The following CLIC6 variants were observed in gnomAD, a reference collection of about 807,000 sequenced individuals.
The protein encoded by CLIC6 is CLIC family member 6.
CLIC6 carries 39 observed loss-of-function variants against 49.2 expected under a neutral mutation model. The observed-to-expected ratio is 0.79, with a 90% CI of 0.61 to 1.04. CLIC6 has a LOEUF of 1.04. Ranked by LOEUF, CLIC6 falls within the 50% of genes least tolerant of loss-of-function variation. CLIC6 has a pLI of 0.00. For synonymous variants in CLIC6, 446 were observed against 433.4 expected (o/e 1.03, Z -0.36); for missense variants, 988 against 993.1 (o/e 0.99, Z 0.07).
intron 5 of CLIC6, among the ~76,000 whole-genome samples, chr21:34,714,893 G>T (rs1307713287): frequency 6.6e-6 from 1 of 152,132 alleles, no homozygotes; most frequent in Non-Finnish European, 1.5e-5. Flanking sequence ...ATGTACTCAG[G>T]AATGTTAAAA....
intron 1 of CLIC6, among the ~76,000 whole-genome samples, chr21:34,695,466 C>G (rs73196808): frequency 0.17 from 25,981 of 152,244 alleles, 2,440 homozygotes; most frequent in African/African-American, 0.25. Flanking sequence ...ACATGGACAT[C>G]TTTGAGAGGT....
chr21:34,669,611 G>A lies in CLIC6; in HGVS notation c.223G>A (p.Gly75Ser), dbSNP rs1989486676. The A allele has an allele frequency of 7.8e-7, 1 of 1,278,226 alleles. No homozygotes were observed. Among genetic ancestry groups the A allele is most frequent in the Non-Finnish European group, 9.8e-7 (1 of 1,015,638 alleles). 79.2% of individuals were successfully genotyped at this position (1,278,226 alleles called of 1,614,324 possible). A position where few individuals can be genotyped will look rare whatever the true frequency, so the allele number is the denominator to read the frequency against. The change falls in exon 1 of 6, where the codon GGC becomes AGC. Residue 75 changes from glycine (G) to serine (S), a missense_variant. By Grantham distance (56) the Gly-to-Ser change is moderately conservative. Transcript: ENST00000349499. Reference protein sequence around the residue: ...PDRGPEAEARGTRGAHGETEA... With the variant: ...PDRGPEAEARSTRGAHGETEA... Reference sequence around the variant, plus strand: ...CAGGGGCCCGGAGGCCGAGGCGCGGGGCACGAGGGGGGCGCACGGCGAGAC... The same window carrying A: ...CAGGGGCCCGGAGGCCGAGGCGCGGAGCACGAGGGGGGCGCACGGCGAGAC...
At chr21:34,703,697 G>A (rs1308822245) in intron 1 of CLIC6, among the ~76,000 whole-genome samples, 4 of 152,248 alleles carry the variant, frequency 2.6e-5, no homozygotes, top group East Asian at 3.9e-4. Flanking sequence ...TGGTGACCTC[G>A]TGGTGCCATT....
In CLIC6 at chr21:34,687,666, T is replaced by A. The variant is rs530747639; in HGVS notation, c.1374+16904T>A. Among the ~76,000 whole-genome samples the A allele has an allele frequency of 3.3e-5, 5 of 152,348 alleles. No homozygotes were observed. In the East Asian group the frequency reaches 7.7e-4, roughly 23 times the overall value. On this transcript the variant is annotated intron_variant, in intron 1 of 5. Transcript: ENST00000349499. ...ATTAATCAATGTGAGTCGAGGGTAG[T>A]CACCCACTTAATCCATTGAATAATA...
chr21:34,686,031 A>G (rs1021309178), intron 1 of CLIC6, among the ~76,000 whole-genome samples: 1 of 152,218 alleles, frequency 6.6e-6, no homozygotes, highest in African/African-American at 2.4e-5. Flanking sequence ...AAAATTTGCA[A>G]CCTCAGGCAT....
At chr21:34,699,316 A>C (rs1026175861) in intron 1 of CLIC6, among the ~76,000 whole-genome samples, 1 of 152,022 alleles carries the variant, frequency 6.6e-6, no homozygotes, top group African/African-American at 2.4e-5. Flanking sequence ...CAGTGGGGAA[A>C]TCTCAGCTCA....
chr21:34,669,835 A>C lies in CLIC6; in HGVS notation c.447A>C (p.Glu149Asp). ...CGGAGCAGAGGCCTGAGGTCCCGGAAGGTAGCGCGTCCGGGGAGGCGGGGG... is the reference window on the plus strand; with the variant it reads ...CGGAGCAGAGGCCTGAGGTCCCGGACGGTAGCGCGTCCGGGGAGGCGGGGG... ...EEAEQRPEVP[E>D]GSASGEAGDS... The change falls in exon 1 of 6, where the codon GAA becomes GAC. Residue 149 changes from glutamate (E) to aspartate (D), a missense_variant. Glu to Asp is a conservative substitution (Grantham distance 45). Transcript: ENST00000349499. 7.1e-7 allele frequency: 1 copy of C among 1,412,116 alleles called. No individual in the cohort carries two copies. Among genetic ancestry groups the C allele is most frequent in the Non-Finnish European group, 9.2e-7 (1 of 1,091,826 alleles). 87.5% of individuals were successfully genotyped at this position (1,412,116 alleles called of 1,614,324 possible).
chr21:34,682,495 T>A (rs1008330999), intron 1 of CLIC6, among the ~76,000 whole-genome samples: 1 of 152,182 alleles, frequency 6.6e-6, no homozygotes, highest in Non-Finnish European at 1.5e-5. Flanking sequence ...ATTCTCTGCA[T>A]TTTTCTTATG....
intron 1 of CLIC6, among the ~76,000 whole-genome samples, chr21:34,691,001 C>T (rs7280588): frequency 0.013 from 2,042 of 152,120 alleles, 45 homozygotes; most frequent in African/African-American, 0.046. Context: ...GCCTTCCTCT[C>T]GTGTGGGTCA....
chr21:34,705,918 G>C lies in CLIC6; in HGVS notation c.1375-1362G>C, dbSNP rs75734491. On this transcript the variant is annotated intron_variant, in intron 1 of 5. Coordinates refer to ENST00000349499, the MANE Select transcript of CLIC6 (RefSeq NM_053277.3). ...CCACTGGCATTGTATCACTTTGGAG[G>C]AACATGTTAAAAATTCACATTCCTA... 1,507 of 507,442 alleles carry C rather than the reference G, an allele frequency of 3.0e-3. 26 individuals carry two copies. Among genetic ancestry groups the C allele is most frequent in the African/African-American group, 0.026 (1,370 of 51,756 alleles). The allele number at this position is 507,442 out of a possible 1,614,324, so 31.4% of individuals were successfully genotyped here.
chr21:34,691,883 T>C (rs1341974556), intron 1 of CLIC6, among the ~76,000 whole-genome samples: 1 of 152,236 alleles, frequency 6.6e-6, no homozygotes. Context: ...AGCAAAACTT[T>C]TCAATGAACG....
At chr21:34,677,062 C>G (rs1043561567) in intron 1 of CLIC6, among the ~76,000 whole-genome samples, 1 of 152,166 alleles carries the variant, frequency 6.6e-6, no homozygotes, top group Non-Finnish European at 1.5e-5. Flanking sequence ...CTCCTCCCCA[C>G]AGGGAGACGG....
At chr21:34,677,054 C>T (rs1989686386) in intron 1 of CLIC6, among the ~76,000 whole-genome samples, 1 of 152,124 alleles carries the variant, frequency 6.6e-6, no homozygotes, top group Non-Finnish European at 1.5e-5. Context: ...GCCCTTTTCT[C>T]CTCCCCACAG....
intron 1 of CLIC6, among the ~76,000 whole-genome samples, chr21:34,702,446 T>C (rs959730520): frequency 2.6e-5 from 4 of 152,154 alleles, no homozygotes; most frequent in African/African-American, 9.7e-5. Flanking sequence ...ATATGCCAGA[T>C]GCTGACAGTA....
At chr21:34,690,014 C>T (rs1034146193) in intron 1 of CLIC6, among the ~76,000 whole-genome samples, 1 of 152,188 alleles carries the variant, frequency 6.6e-6, no homozygotes, top group Admixed American at 6.5e-5. Context: ...CTCCTTTATT[C>T]TTGGAAAAGA....
chr21:34,670,148 G>T lies in CLIC6; in HGVS notation c.760G>T (p.Asp254Tyr). 1.4e-6 allele frequency: 2 copies of T among 1,390,488 alleles called. No individual in the cohort carries two copies. Among genetic ancestry groups the T allele is most frequent in the Non-Finnish European group, 1.9e-6 (2 of 1,079,534 alleles). 86.1% of individuals were successfully genotyped at this position (1,390,488 alleles called of 1,614,324 possible). ...GRVGDSVEAG[D>Y]PAGDGVEAGV... ...GGTGGGGGACAGCGTAGAGGCGGGG[G>T]ACCCGGCGGGGGACGGCGTAGAAGC... Residue 254 changes from aspartate (D) to tyrosine (Y), a missense_variant, in exon 1 of 6, where the codon GAC (aspartate) becomes TAC (tyrosine). This residue lies in a region of CLIC6 where 647 missense variants were observed against 596.9 expected (regional missense o/e 1.08). Transcript: ENST00000349499.
rs1023647568 is a variant in CLIC6, at chr21:34,708,794, G to A, written c.1705G>A (p.Asp569Asn). 3.1e-6 allele frequency: 5 copies of A among 1,612,320 alleles called. No individual in the cohort carries two copies. Among genetic ancestry groups the A allele is most frequent in the Non-Finnish European group, 4.2e-6 (5 of 1,178,328 alleles). ...AGCGTTTATAAAAAACACGAAGAAG[G>A]ATGCAAATGAGAGTGAGTACCTCCC... The part of the protein sequence containing the change: ...FSAFIKNTKK[D>N]ANEIHEKNLL... The change falls in exon 4 of 6, where the codon GAT becomes AAT. Residue 569 changes from aspartate (D) to asparagine (N), a missense_variant. Physicochemically the swap from Asp to Asn is conservative, Grantham distance 23. This residue lies in a region of CLIC6 where 647 missense variants were observed against 596.9 expected (regional missense o/e 1.08). Transcript: ENST00000349499.
At chr21:34,698,641 T>G (rs1003616436) in intron 1 of CLIC6, among the ~76,000 whole-genome samples, 1 of 152,194 alleles carries the variant, frequency 6.6e-6, no homozygotes, top group African/African-American at 2.4e-5. Context: ...CCATCTCATT[T>G]AATTCTTATC....
At chr21:34,714,936 A>G (rs892268756) in intron 5 of CLIC6, among the ~76,000 whole-genome samples, 2 of 152,242 alleles carry the variant, frequency 1.3e-5, no homozygotes, top group Non-Finnish European at 2.9e-5. Flanking sequence ...CCAGGTACAT[A>G]CAAACAAAAG....
Sources: allele counts gnomAD v4.1 joint callset (sites outside exome capture counted in the v4.1 genomes callset), GRCh38; gene constraint gnomAD v4.1.1; regional missense constraint gnomAD v4.1.1; transcripts MANE v1.5; gene names NCBI Gene and HGNC (gene_info 2026-07-23, HGNC 2026-07-21).